The following MRM1 variants were observed in gnomAD, a reference collection of about 807,000 sequenced individuals.
MRM1 encodes rRNA methyltransferase 1, mitochondrial.
In MRM1, 24 loss-of-function variants were observed where a neutral mutation model predicts 25.0. That is an observed-to-expected ratio of 0.96 (90% confidence interval 0.69 to 1.35). The LOEUF is 1.35. Ranked by LOEUF, MRM1 falls within the 40% of genes most tolerant of loss-of-function variation. The pLI is 0.00. For missense variants in MRM1, 431 were observed against 464.1 expected (o/e 0.93, Z 0.65); for synonymous variants, 188 against 199.2 (o/e 0.94, Z 0.47).
chr17:36,626,604 G>A, the MRM1 span, among the ~76,000 whole-genome samples: 1 of 152,046 alleles, frequency 6.6e-6, no homozygotes, highest in Non-Finnish European at 1.5e-5. Flanking sequence ...CAAGTGATCC[G>A]CCTGCCTCAG....
At chr17:36,628,185 C>T in the MRM1 span, among the ~76,000 whole-genome samples, 1 of 152,112 alleles carries the variant, frequency 6.6e-6, no homozygotes, top group Non-Finnish European at 1.5e-5. Flanking sequence ...TCTGGGTCCC[C>T]CTATGTTGCT....
downstream of MRM1, among the ~76,000 whole-genome samples, chr17:36,613,770 C>T (rs1369986128): frequency 6.6e-6 from 1 of 152,038 alleles, no homozygotes; most frequent in African/African-American, 2.4e-5. Flanking sequence ...CTTTATTCAC[C>T]ACTCAGCTGC....
At position 36,607,987 on chromosome 17, in the gene MRM1, A is replaced by G; in HGVS notation, c.858A>G (p.Gly286=). 3.1e-6 allele frequency: 5 copies of G among 1,614,056 alleles called. No individual in the cohort carries two copies. The highest frequency in any genetic ancestry group is 4.2e-6 in the Non-Finnish European group (5 of 1,180,016). Residue 286 remains glycine (G), a synonymous_variant, in exon 4 of 5, where the codon GGA becomes GGG. Transcript: ENST00000614766. ...TILPRRQLPP[G]LESLNVSVAA... is the part of the protein sequence containing the mutation. ...TGCCCCGGCGCCAGCTGCCTCCTGG[A>G]CTTGAGTCCTTGAACGTCTCTGTGG...
chr17:36,613,755 G>A (rs541610813), downstream of MRM1, among the ~76,000 whole-genome samples: 3 of 151,858 alleles, frequency 2.0e-5, no homozygotes, highest in South Asian at 2.1e-4. Flanking sequence ...TACTGGGCGC[G>A]CTGCCTTTAT....
the MRM1 span, among the ~76,000 whole-genome samples, chr17:36,631,459 G>A: frequency 6.6e-6 from 1 of 152,238 alleles, no homozygotes; most frequent in African/African-American, 2.4e-5. Flanking sequence ...GCGGGTTTGT[G>A]TCCCTGTTTA....
chr17:36,612,590 A>G (rs7503092), downstream of MRM1, among the ~76,000 whole-genome samples: 62,283 of 152,020 alleles, frequency 0.41, 14,118 homozygotes, highest in African/African-American at 0.6. Flanking sequence ...CTGCAGGGCA[A>G]AGTTGGAATG....
the MRM1 span, among the ~76,000 whole-genome samples, chr17:36,623,486 T>C: frequency 3.3e-5 from 5 of 152,182 alleles, no homozygotes; most frequent in African/African-American, 1.2e-4. Flanking sequence ...TAATCTCGCC[T>C]GGATGCTAAT....
rs1378704672 is a variant in MRM1 at position 36,601,620 on chromosome 17, G to A, written c.-191G>A. 7.7e-6 allele frequency: 4 copies of A among 521,530 alleles called. No individual in the cohort carries two copies. In the African/African-American group the frequency reaches 7.8e-5, roughly 10 times the overall value. 32.3% of individuals were successfully genotyped at this position (521,530 alleles called of 1,614,324 possible). On this transcript the variant is annotated 5_prime_UTR_variant, in exon 1 of 5. Transcript: ENST00000614766. The stretch of plus-strand genomic sequence containing the variant: ...GAGGGACCCACGTGGGAGCCTGGGA[G>A]CGGGTGGTCGTAGCTCGGTAGTCCA...
downstream of MRM1, among the ~76,000 whole-genome samples, chr17:36,613,694 C>T (rs887993545): frequency 2.0e-5 from 3 of 152,234 alleles, no homozygotes; most frequent in Non-Finnish European, 2.9e-5. Context: ...CCTGTCCCAC[C>T]GACTCAGTCT....
the MRM1 span, among the ~76,000 whole-genome samples, chr17:36,623,744 T>C: frequency 6.6e-6 from 1 of 152,274 alleles, no homozygotes; most frequent in Middle Eastern, 3.4e-3. Flanking sequence ...CTTCTTGGTG[T>C]CTCACTTGAG....
chr17:36,602,324 G>T lies in MRM1; in HGVS notation c.514G>T (p.Asp172Tyr). Residue 172 changes from aspartate to tyrosine, a missense_variant, in exon 1 of 5, where the codon GAT becomes TAT. Physicochemically the swap from Asp to Tyr is radical, Grantham distance 160. Coordinates refer to ENST00000614766, the MANE Select transcript of MRM1 (RefSeq NM_024864.5). The surrounding 1 kb of genome is among the most constrained non-coding windows in gnomAD (Gnocchi z 4.1). ...VLRSAHFLGV[D>Y]KVITSRRNSC... Reference sequence around the variant, plus strand: ...GCGTTCCGCACACTTCCTCGGAGTGGATAAGGTCATCACCAGCCGGAGAAA... The same window carrying T: ...GCGTTCCGCACACTTCCTCGGAGTGTATAAGGTCATCACCAGCCGGAGAAA... 1 of 1,576,064 alleles carries T rather than the reference G, an allele frequency of 6.3e-7. No individual in the cohort carries two copies. The highest frequency in any genetic ancestry group is 2.3e-5 in the East Asian group (1 of 44,242).
chr17:36,618,693 G>C, the MRM1 span, among the ~76,000 whole-genome samples: 1 of 152,196 alleles, frequency 6.6e-6, no homozygotes, highest in African/African-American at 2.4e-5. Context: ...ACTCCAACCT[G>C]CGCAGCCTCC....
the MRM1 span, among the ~76,000 whole-genome samples, chr17:36,621,019 A>T: frequency 6.6e-6 from 1 of 152,132 alleles, no homozygotes; most frequent in South Asian, 2.1e-4. Context: ...CAATTTCTTT[A>T]ATGTCTCTGA....
In MRM1 at chr17:36,602,306, G is replaced by A. The variant is rs775359295; in HGVS notation, c.496G>A (p.Ala166Thr). The change falls in exon 1 of 5, where the codon GCA (alanine) becomes ACA (threonine). Residue 166 changes from alanine to threonine, a missense_variant. By Grantham distance (58) the Ala-to-Thr change is moderately conservative. Coordinates refer to ENST00000614766, the MANE Select transcript of MRM1 (RefSeq NM_024864.5). This position sits in a 1 kb window ranked among gnomAD's most constrained non-coding sequence, Gnocchi z 4.1. Reference protein sequence around the residue: ...PRNFGAVLRSAHFLGVDKVIT... With the variant: ...PRNFGAVLRSTHFLGVDKVIT... ...GAATTTTGGGGCTGTGCTGCGTTCC[G>A]CACACTTCCTCGGAGTGGATAAGGT... The A allele has an allele frequency of 1.3e-6, 2 of 1,589,368 alleles. No homozygotes were observed. Among genetic ancestry groups the A allele is most frequent in the Admixed American group, 1.7e-5 (1 of 58,412 alleles).
the MRM1 span, among the ~76,000 whole-genome samples, chr17:36,622,201 C>A: frequency 1.3e-5 from 2 of 152,084 alleles, no homozygotes; most frequent in African/African-American, 2.4e-5. Context: ...TGCCTCCTGC[C>A]CCCTCCTGTC....
the MRM1 span, among the ~76,000 whole-genome samples, chr17:36,627,901 C>T: frequency 6.6e-6 from 1 of 152,074 alleles, no homozygotes; most frequent in Non-Finnish European, 1.5e-5. Flanking sequence ...GTCTTGAAAT[C>T]CTGACCTCAA....
chr17:36,606,320 G>A (rs2142838642), intron 2 of MRM1, among the ~76,000 whole-genome samples: 1 of 152,242 alleles, frequency 6.6e-6, no homozygotes, highest in South Asian at 2.1e-4. Context: ...CCCATGCTAG[G>A]TGCTTAATAA....
the MRM1 span, among the ~76,000 whole-genome samples, chr17:36,619,954 C>T: frequency 6.6e-5 from 10 of 152,206 alleles, no homozygotes; most frequent in East Asian, 1.4e-3. Context: ...TTTGTGATGT[C>T]GGGCATCTTT....
In MRM1 at chr17:36,608,546, G is replaced by C. The variant is rs556144572; in HGVS notation, c.*131G>C. The C allele has an allele frequency of 7.9e-5, 41 of 518,066 alleles. 5 individuals are homozygous for C. Among genetic ancestry groups the C allele is most frequent in the Admixed American group, 2.4e-4 (6 of 24,900 alleles). 32.1% of individuals were successfully genotyped at this position (518,066 alleles called of 1,614,324 possible). On this transcript the variant is annotated 3_prime_UTR_variant, in exon 5 of 5. Coordinates refer to ENST00000614766, the MANE Select transcript of MRM1 (RefSeq NM_024864.5). Reference sequence around the variant, plus strand: ...TGTTTATTGACCACAGTCTGGGGGGGGGGGAAGGGGACTGCGGTGGACACC... The same window carrying C: ...TGTTTATTGACCACAGTCTGGGGGGCGGGGAAGGGGACTGCGGTGGACACC...
Sources: gnomAD v4.1 joint callset for allele counts (sites outside exome capture counted in the v4.1 genomes callset) on GRCh38, gnomAD v4.1.1 for gene constraint, Gnocchi (gnomAD v3.1) non-coding constraint, MANE v1.5 for transcripts, NCBI Gene and HGNC (gene_info 2026-07-23, HGNC 2026-07-21) for gene names.